The following MBD2 variants were observed in gnomAD, a reference collection of about 807,000 sequenced individuals.
The protein encoded by MBD2 is methyl-CpG-binding domain protein 2.
A neutral mutation model predicts 39.3 loss-of-function variants in MBD2; 9 were observed. The observed-to-expected ratio is 0.23, with a 90% CI of 0.14 to 0.40. The LOEUF (loss-of-function observed/expected upper bound fraction) is 0.40. Ranked by LOEUF, MBD2 falls within the 10% of genes least tolerant of loss-of-function variation. MBD2 has a pLI of 1.00. For synonymous variants in MBD2, 233 were observed against 211.1 expected (o/e 1.10, Z -0.90); for missense variants, 458 against 532.6 (o/e 0.86, Z 1.38).
At chr18:54,181,352 C>T (rs1039430358) in intron 3 of MBD2, among the ~76,000 whole-genome samples, 3 of 152,126 alleles carry the variant, frequency 2.0e-5, no homozygotes, top group African/African-American at 7.2e-5. Flanking sequence ...AATTTTCTAC[C>T]ACTCAAATTC....
intron 2 of MBD2, chr18:54,202,926 G>A (rs2086418952): frequency 9.6e-7 from 1 of 1,041,464 alleles, no homozygotes; most frequent in East Asian, 2.4e-5. Context: ...TCTGCCTGGA[G>A]TATGCAGGGC....
intron 3 of MBD2, among the ~76,000 whole-genome samples, chr18:54,172,588 T>C (rs185076927): frequency 6.6e-6 from 1 of 152,296 alleles, no homozygotes; most frequent in East Asian, 1.9e-4. Flanking sequence ...ACGATTTTCA[T>C]TAATCATTAT....
intron 4 of MBD2, 32 bp downstream of exon 4, chr18:54,166,044 T>C (rs372819088): frequency 4.9e-5 from 72 of 1,457,072 alleles, no homozygotes; most frequent in Non-Finnish European, 6.3e-5. Context: ...AGGTACTTGA[T>C]AAATGTCTGC....
At chr18:54,184,272 C>A (rs972143939) in intron 3 of MBD2, among the ~76,000 whole-genome samples, 1 of 152,086 alleles carries the variant, frequency 6.6e-6, no homozygotes, top group African/African-American at 2.4e-5. Flanking sequence ...TGGGCTCCAC[C>A]TCCTGCCCAA....
chr18:54,202,813 T>C (rs912874439), intron 2 of MBD2: 3 of 1,550,644 alleles, frequency 1.9e-6, no homozygotes, highest in Non-Finnish European at 2.6e-6. Flanking sequence ...AAAAAAGACA[T>C]GGTCCCTGCC....
chr18:54,178,336 A>G (rs2086226895), intron 3 of MBD2, among the ~76,000 whole-genome samples: 1 of 152,222 alleles, frequency 6.6e-6, no homozygotes, highest in African/African-American at 2.4e-5. Flanking sequence ...AATATTAAAA[A>G]CAGTATATAA....
At chr18:54,180,897 CTTTTTCTTTTTTTTT>C (rs1322686009) in intron 3 of MBD2, among the ~76,000 whole-genome samples, 8 of 105,370 alleles carry the variant, frequency 7.6e-5, no homozygotes, top group Admixed American at 2.1e-4. Flanking sequence ...TTAATTTTTT[CTTTTTCTTTTTTTTT>C]TTTTTTTTTT....
At chr18:54,187,206 T>C (rs1230903468) in intron 3 of MBD2, among the ~76,000 whole-genome samples, 1 of 152,186 alleles carries the variant, frequency 6.6e-6, no homozygotes, top group Non-Finnish European at 1.5e-5. Context: ...TGAGAATGAT[T>C]TGGCAAAGAA....
rs7614 is a variant in MBD2, at chr18:54,154,874, T to C, written c.*450A>G. 0.37 allele frequency: 55,765 copies of C among 152,504 alleles called. 10,751 individuals carry two copies. Among genetic ancestry groups the C allele is most frequent in the East Asian group, 0.46 (2,375 of 5,182 alleles). The allele number at this position is 152,504 out of a possible 1,614,324, so 9.4% of individuals were successfully genotyped here. ...AATCATTTATTTGTCTTTACAGTGA[T>C]GATGGAAGAATGTACAGGTGTCCCC... On this transcript the variant is annotated 3_prime_UTR_variant, in exon 7 of 7. Coordinates refer to ENST00000256429, the MANE Select transcript of MBD2 (RefSeq NM_003927.5).
chr18:54,210,114 C>A (rs1329069370), intron 1 of MBD2, among the ~76,000 whole-genome samples: 3 of 152,128 alleles, frequency 2.0e-5, no homozygotes, highest in African/African-American at 7.2e-5. Flanking sequence ...TCCCTACCAA[C>A]TGCCCCCTAG....
chr18:54,217,318 A>G (rs1362464252), intron 1 of MBD2, among the ~76,000 whole-genome samples: 5 of 152,212 alleles, frequency 3.3e-5, no homozygotes, highest in African/African-American at 1.2e-4. Context: ...AAATCTGCAG[A>G]TATTATTCAA....
intron 1 of MBD2, 112 bp downstream of exon 1, chr18:54,223,906 T>A (rs976252245): frequency 4.5e-6 from 4 of 882,830 alleles, no homozygotes; most frequent in Non-Finnish European, 6.6e-6. Context: ...CAAACCAGCC[T>A]GTCCCTGCCA....
rs946363339 is a variant in MBD2, at chr18:54,205,906, C to A, written c.543-749G>T. 2.6e-5 allele frequency among the ~76,000 whole-genome samples: 4 copies of A among 151,734 alleles called. No homozygotes were observed. In the East Asian group the frequency reaches 7.7e-4, roughly 29 times the overall value. ...CTACGCCAGCAATAATCAGAAAAAA[C>A]TTGAGAACAAATTCTTCTCAAGTCA... On this transcript the variant is annotated intron_variant, in intron 1 of 6. Coordinates refer to ENST00000256429, the MANE Select transcript of MBD2 (RefSeq NM_003927.5).
intron 2 of MBD2, among the ~76,000 whole-genome samples, chr18:54,197,213 C>T (rs1253892109): frequency 1.3e-5 from 2 of 152,224 alleles, no homozygotes; most frequent in African/African-American, 2.4e-5. Flanking sequence ...TCCTAACTGG[C>T]CTCCGACTTC....
intron 5 of MBD2, among the ~76,000 whole-genome samples, chr18:54,163,932 G>A (rs2086112778): frequency 6.6e-6 from 1 of 152,126 alleles, no homozygotes; most frequent in South Asian, 2.1e-4. Context: ...CACCACGGCT[G>A]GAGTGCAGGG....
intron 3 of MBD2, among the ~76,000 whole-genome samples, chr18:54,179,186 TC>T (rs1405850744): frequency 5.9e-5 from 9 of 152,108 alleles, no homozygotes; most frequent in Non-Finnish European, 7.3e-5. Context: ...CGAGACCTTG[TC>T]TCAAAAACAA....
chr18:54,180,962 T>TGC (rs2086248104), intron 3 of MBD2, among the ~76,000 whole-genome samples: 1 of 148,558 alleles, frequency 6.7e-6, no homozygotes, highest in Non-Finnish European at 1.5e-5. Flanking sequence ...AGTGGCCTGA[T>TGC]CTCGGCTCAC....
chr18:54,165,821 CT>C (rs1306121283), intron 4 of MBD2, among the ~76,000 whole-genome samples: 1 of 152,078 alleles, frequency 6.6e-6, no homozygotes, highest in Non-Finnish European at 1.5e-5. Flanking sequence ...TGAACCTAAC[CT>C]AAAGCCAAAA....
intron 3 of MBD2, among the ~76,000 whole-genome samples, chr18:54,167,315 C>T (rs2086141461): frequency 6.6e-6 from 1 of 152,120 alleles, no homozygotes; most frequent in Non-Finnish European, 1.5e-5. Flanking sequence ...AAGGTCTAAA[C>T]CCATGCTGAA....
Sources: allele counts gnomAD v4.1 joint callset (sites outside exome capture counted in the v4.1 genomes callset), GRCh38; gene constraint gnomAD v4.1.1; transcripts MANE v1.5; gene names NCBI Gene and HGNC (gene_info 2026-07-23, HGNC 2026-07-21).